Variants in MRTFB observed in about 807,000 individuals in gnomAD.
MRTFB encodes the protein myocardin-related transcription factor B.
In MRTFB, 29 loss-of-function variants were observed where a neutral mutation model predicts 104.2. The ratio of observed to expected loss-of-function variants is 0.28; its 90% CI spans 0.21 to 0.38. The LOEUF (loss-of-function observed/expected upper bound fraction) is 0.38, where lower values mean the gene tolerates loss of function less well. MRTFB is among the 10% of genes least tolerant of loss of function. MRTFB has a pLI of 1.00. For synonymous variants in MRTFB, 535 were observed against 519.5 expected (o/e 1.03, Z -0.41); for missense variants, 1,270 against 1,341.6 (o/e 0.95, Z 0.83).
chr16:13,997,250 A>C, the MRTFB span, among the ~76,000 whole-genome samples: 2 of 152,232 alleles, frequency 1.3e-5, no homozygotes, highest in African/African-American at 4.8e-5. Context: ...AAATTCTCAA[A>C]GAAGCAGTTA....
chr16:14,111,770 C>T (rs918633313), intron 2 of MRTFB, among the ~76,000 whole-genome samples: 1 of 152,146 alleles, frequency 6.6e-6, no homozygotes, highest in Non-Finnish European at 1.5e-5. Flanking sequence ...CCTGGTTCCC[C>T]CTTTTTCTCG....
intron 8 of MRTFB, among the ~76,000 whole-genome samples, chr16:14,233,375 C>T (rs1045857471): frequency 9.2e-5 from 14 of 152,224 alleles, no homozygotes; most frequent in Non-Finnish European, 1.8e-4. Context: ...ACATGGGTGG[C>T]ATGGGCATTC....
Position 14,265,324 on chromosome 16 carries a change from C to T in MRTFB, c.*3880C>T, listed in dbSNP as rs910628128. 3.3e-5 allele frequency: 5 copies of T among 152,134 alleles called. No homozygotes were observed. Among genetic ancestry groups the T allele is most frequent in the African/African-American group, 4.8e-5 (2 of 41,418 alleles). 9.4% of individuals were successfully genotyped at this position (152,134 alleles called of 1,614,324 possible). On this transcript the variant is annotated 3_prime_UTR_variant, in exon 17 of 17. Coordinates refer to ENST00000571589, the MANE Select transcript of MRTFB (RefSeq NM_001308142.2). The stretch of plus-strand genomic sequence containing the variant: ...CTGACAAGAGAATACCCATACAAAT[C>T]GTCCCACCGCCCTAGAGGCCACAGA...
chr16:14,242,946 T>C (rs1041624404), intron 10 of MRTFB, among the ~76,000 whole-genome samples: 5 of 152,012 alleles, frequency 3.3e-5, no homozygotes, highest in Admixed American at 6.5e-5. Flanking sequence ...AAAAGGTGGC[T>C]CAGCAGGGAG....
intron 3 of MRTFB, among the ~76,000 whole-genome samples, chr16:14,204,585 T>C (rs115424609): frequency 0.011 from 1,692 of 152,344 alleles, 37 homozygotes; most frequent in African/African-American, 0.039. Context: ...TGACATAATA[T>C]TGTTTTTATC....
intron 3 of MRTFB, among the ~76,000 whole-genome samples, chr16:14,171,868 A>G (rs9889051): frequency 0.24 from 35,841 of 152,116 alleles, 7,954 homozygotes; most frequent in African/African-American, 0.57. Context: ...GTATTTGTTC[A>G]TATCCTTTTT....
chr16:14,245,152 G>A (rs2042956860), intron 10 of MRTFB, among the ~76,000 whole-genome samples: 1 of 152,114 alleles, frequency 6.6e-6, no homozygotes, highest in African/African-American at 2.4e-5. Flanking sequence ...GCCGTTTCTG[G>A]ATTTGCTGGG....
chr16:14,111,584 G>A (rs545558136), intron 2 of MRTFB, among the ~76,000 whole-genome samples: 24 of 152,350 alleles, frequency 1.6e-4, no homozygotes, highest in Admixed American at 6.5e-4. Flanking sequence ...TCAAGGACCT[G>A]CATGGGCAAA....
At chr16:14,245,773 A>C in intron 11 of MRTFB, 113 bp downstream of exon 11, 1 of 1,158,182 alleles carries the variant, frequency 8.6e-7, no homozygotes, top group Non-Finnish European at 1.2e-6. Context: ...CAACTTTACC[A>C]ACAATATGAT....
the MRTFB span, among the ~76,000 whole-genome samples, chr16:14,035,045 C>T: frequency 2.6e-5 from 4 of 152,196 alleles, no homozygotes; most frequent in African/African-American, 4.8e-5. Flanking sequence ...TCGGAAAGTA[C>T]CTGGCCTTGA....
the MRTFB span, among the ~76,000 whole-genome samples, chr16:14,039,702 GT>G: frequency 1.3e-5 from 2 of 148,782 alleles, no homozygotes; most frequent in Admixed American, 1.3e-4. Context: ...ATTTACACTT[GT>G]GATATGCTAT....
the MRTFB span, chr16:14,009,653 T>C: frequency 6.6e-6 from 1 of 152,212 alleles, no homozygotes; most frequent in Non-Finnish European, 1.5e-5. Context: ...GGGTTTTTCA[T>C]AGATGCCCTT....
chr16:14,131,359 G>A (rs2037430034), intron 2 of MRTFB, among the ~76,000 whole-genome samples: 1 of 152,198 alleles, frequency 6.6e-6, no homozygotes. Context: ...GACCAGAATT[G>A]TGAGTAGATG....
chr16:14,221,209 AGTTT>A (rs1440273189), intron 8 of MRTFB, among the ~76,000 whole-genome samples: 4 of 152,254 alleles, frequency 2.6e-5, no homozygotes, highest in East Asian at 1.9e-4. Context: ...AGAGGTGATA[AGTTT>A]TGTTTTGGCA....
intron 2 of MRTFB, among the ~76,000 whole-genome samples, chr16:14,083,412 A>G (rs771558254): frequency 1.3e-4 from 20 of 152,218 alleles, no homozygotes; most frequent in Admixed American, 5.9e-4. Flanking sequence ...TGTGGACTGG[A>G]AATGGAGTCT....
the MRTFB span, among the ~76,000 whole-genome samples, chr16:14,023,322 G>A: frequency 1.3e-5 from 2 of 152,076 alleles, no homozygotes; most frequent in African/African-American, 2.4e-5. Flanking sequence ...GTGTGTGCCT[G>A]TAGTCCCAGC....
intron 2 of MRTFB, among the ~76,000 whole-genome samples, chr16:14,107,062 G>GA (rs1567329468): frequency 1.3e-5 from 2 of 151,996 alleles, no homozygotes; most frequent in Admixed American, 6.6e-5. Flanking sequence ...TGAAAACTCA[G>GA]AAAAAAAATT....
chr16:14,189,141 G>T (rs1196541874), intron 3 of MRTFB, among the ~76,000 whole-genome samples: 1 of 152,182 alleles, frequency 6.6e-6, no homozygotes, highest in Non-Finnish European at 1.5e-5. Flanking sequence ...CTGCTTCAAA[G>T]TTAGTGACAT....
chr16:14,169,595 G>A (rs1036270360), intron 3 of MRTFB, among the ~76,000 whole-genome samples: 1 of 151,982 alleles, frequency 6.6e-6, no homozygotes, highest in African/African-American at 2.4e-5. Context: ...ATCTCTCTAT[G>A]AGCAAAAACT....
Sources: allele counts gnomAD v4.1 joint callset (sites outside exome capture counted in the v4.1 genomes callset), GRCh38; gene constraint gnomAD v4.1.1; transcripts MANE v1.5; gene names NCBI Gene and HGNC (gene_info 2026-07-23, HGNC 2026-07-21).